The following TBC1D4 variants were observed in gnomAD, a reference collection of about 807,000 sequenced individuals.
TBC1D4 encodes TBC1 domain family member 4.
In TBC1D4, 121 loss-of-function variants were observed where a neutral mutation model predicts 142.5. The ratio of observed to expected loss-of-function variants is 0.85; its 90% CI spans 0.73 to 0.99. TBC1D4 has a LOEUF of 0.99. Among genes scored for constraint, TBC1D4 ranks in the 50% least tolerant of loss-of-function variants. The probability of loss-of-function intolerance (pLI) is 0.00; values close to 1 mark genes in which losing one functional copy is unlikely to be tolerated. For missense variants in TBC1D4, 1,475 were observed against 1,606.6 expected, an observed-to-expected ratio of 0.92 and a Z score of 1.40; for synonymous variants, 630 against 628.2, an observed-to-expected ratio of 1.00 and a Z score of -0.04.
chr13:75,430,537 A>G (rs1278714982), intron 1 of TBC1D4, among the ~76,000 whole-genome samples: 1 of 152,214 alleles, frequency 6.6e-6, no homozygotes, highest in Non-Finnish European at 1.5e-5. Context: ...GCAGAATGAG[A>G]AACTGACAGA....
At chr13:75,390,970 C>T (rs1047489016) in intron 1 of TBC1D4, among the ~76,000 whole-genome samples, 1 of 151,478 alleles carries the variant, frequency 6.6e-6, no homozygotes, top group South Asian at 2.1e-4. Flanking sequence ...ACTGTGCTTA[C>T]ACTATGCCTT....
intron 1 of TBC1D4, among the ~76,000 whole-genome samples, chr13:75,452,276 T>C (rs554825980): frequency 6.6e-6 from 1 of 152,176 alleles, no homozygotes; most frequent in Non-Finnish European, 1.5e-5. Flanking sequence ...ATTTCCTCCA[T>C]AGTAAATAAA....
intron 1 of TBC1D4, among the ~76,000 whole-genome samples, chr13:75,438,248 A>G (rs1886879077): frequency 6.6e-6 from 1 of 152,156 alleles, no homozygotes; most frequent in Non-Finnish European, 1.5e-5. Context: ...AACTGATAAA[A>G]CAATAAAGCA....
chr13:75,453,017 T>C (rs1887593008), intron 1 of TBC1D4, among the ~76,000 whole-genome samples: 1 of 152,148 alleles, frequency 6.6e-6, no homozygotes, highest in African/African-American at 2.4e-5. Context: ...TTTAGTCTTT[T>C]CTGCCAAAAA....
chr13:75,366,982 A>T, intron 1 of TBC1D4: 1 of 985,436 alleles, frequency 1.0e-6, no homozygotes. Context: ...AAACTGGTGT[A>T]GTCCTCAGTA....
At chr13:75,340,138 G>GC (rs1566398554) in intron 7 of TBC1D4, among the ~76,000 whole-genome samples, 1 of 151,992 alleles carries the variant, frequency 6.6e-6, no homozygotes, top group Non-Finnish European at 1.5e-5. Context: ...CATTCATCAG[G>GC]TTTTTTTGTC....
In TBC1D4 at chr13:75,356,255, G is replaced by C; in HGVS notation, c.1171-4C>G. 1 of 1,598,526 alleles carries C rather than the reference G, an allele frequency of 6.3e-7. No individual in the cohort carries two copies. Among genetic ancestry groups the C allele is most frequent in the South Asian group, 1.1e-5 (1 of 90,722 alleles). On this transcript the variant is annotated splice_region_variant and splice_polypyrimidine_tract_variant and intron_variant, in intron 3 of 20. Transcript: ENST00000377636. The stretch of plus-strand genomic sequence containing the variant: ...AGTGATCCACATGCTTTATACCCTA[G>C]ATGGAGGGGAAGAAGTGCAATAAAA...
chr13:75,347,385 G>T (rs1290880572), intron 5 of TBC1D4, among the ~76,000 whole-genome samples: 1 of 152,102 alleles, frequency 6.6e-6, no homozygotes, highest in Admixed American at 6.5e-5. Context: ...ACAAATTCTG[G>T]ATTCCAATCT....
At chr13:75,349,961 A>T (rs905283651) in intron 4 of TBC1D4, among the ~76,000 whole-genome samples, 1 of 152,182 alleles carries the variant, frequency 6.6e-6, no homozygotes, top group Non-Finnish European at 1.5e-5. Flanking sequence ...CTTGCAAACT[A>T]CCAGTTAACT....
At chr13:75,308,520 C>T (rs1005200437) in intron 14 of TBC1D4, among the ~76,000 whole-genome samples, 1 of 152,196 alleles carries the variant, frequency 6.6e-6, no homozygotes, top group Non-Finnish European at 1.5e-5. Context: ...TAAGTAATCT[C>T]TAAGGCTATT....
intron 1 of TBC1D4, among the ~76,000 whole-genome samples, chr13:75,425,754 T>TA (rs1431651685): frequency 3.3e-5 from 5 of 151,870 alleles, no homozygotes; most frequent in African/African-American, 9.7e-5. Flanking sequence ...CTGTGAAATC[T>TA]AAAAAAAATT....
chr13:75,460,154 TA>T (rs71756436), intron 1 of TBC1D4, among the ~76,000 whole-genome samples: 129 of 149,554 alleles, frequency 8.6e-4, no homozygotes, highest in South Asian at 6.7e-3. Flanking sequence ...AAAATAAAAA[TA>T]AAAAAAAAAA....
At chr13:75,446,326 C>T (rs1887283542) in intron 1 of TBC1D4, among the ~76,000 whole-genome samples, 1 of 152,178 alleles carries the variant, frequency 6.6e-6, no homozygotes, top group African/African-American at 2.4e-5. Context: ...GCAAGCATCA[C>T]CTCTATCTAG....
chr13:75,425,628 A>G (rs547059009), intron 1 of TBC1D4, among the ~76,000 whole-genome samples: 1 of 152,342 alleles, frequency 6.6e-6, no homozygotes, highest in South Asian at 2.1e-4. Context: ...ATGGAATGCT[A>G]TTCAGCCTGG....
intron 1 of TBC1D4, among the ~76,000 whole-genome samples, chr13:75,379,991 T>C (rs1883734142): frequency 7.0e-6 from 1 of 142,610 alleles, no homozygotes; most frequent in Non-Finnish European, 1.5e-5. Flanking sequence ...CCGCAATCTC[T>C]GCTACCCAGA....
chr13:75,454,887 C>A (rs991617615), intron 1 of TBC1D4, among the ~76,000 whole-genome samples: 5 of 152,088 alleles, frequency 3.3e-5, no homozygotes, highest in Non-Finnish European at 7.4e-5. Flanking sequence ...TCCAATATAA[C>A]CTTTCATAGG....
At chr13:75,352,089 T>G (rs1340617288) in intron 4 of TBC1D4, among the ~76,000 whole-genome samples, 2 of 152,190 alleles carry the variant, frequency 1.3e-5, no homozygotes, top group Non-Finnish European at 2.9e-5. Context: ...TGAGAAACTT[T>G]CACAGAGTAC....
intron 1 of TBC1D4, among the ~76,000 whole-genome samples, chr13:75,479,123 A>C (rs1173718146): frequency 1.3e-4 from 20 of 152,208 alleles, no homozygotes; most frequent in Admixed American, 1.3e-3. Context: ...CCCACTATCC[A>C]GTCCTCCATG....
At chr13:75,347,818 A>T in intron 5 of TBC1D4, among the ~76,000 whole-genome samples, 1 of 152,186 alleles carries the variant, frequency 6.6e-6, no homozygotes, top group South Asian at 2.1e-4. Context: ...TATTACAATT[A>T]TAATTGTTTA....
Sources: gnomAD v4.1 joint callset for allele counts (sites outside exome capture counted in the v4.1 genomes callset) on GRCh38, gnomAD v4.1.1 for gene constraint, MANE v1.5 for transcripts, NCBI Gene and HGNC (gene_info 2026-07-23, HGNC 2026-07-21) for gene names.